The following SGSH variants were observed in gnomAD, a reference collection of about 807,000 sequenced individuals.
SGSH encodes heparan sulfate sulfatase.
SGSH carries 48 observed loss-of-function variants against 51.0 expected under a neutral mutation model. The observed-to-expected ratio is 0.94, with a 90% confidence interval of 0.75 to 1.20. The LOEUF is 1.20. Among genes scored for constraint, SGSH ranks in the 50% most tolerant of loss-of-function variants. The probability of loss-of-function intolerance (pLI) is 0.00; values close to 1 mark genes in which losing one functional copy is unlikely to be tolerated. For synonymous variants in SGSH, 321 were observed against 313.4 expected (o/e 1.02, Z -0.26); for missense variants, 662 against 717.8 (o/e 0.92, Z 0.89).
chr17:80,211,761 A>G (rs1342278418), intron 7 of SGSH: 2 of 445,988 alleles, frequency 4.5e-6, no homozygotes, highest in African/African-American at 2.0e-5. Context: ...CAATTTGGAT[A>G]TTAACAAGCA....
chr17:80,212,685 C>T lies in SGSH; in HGVS notation c.746-411G>A. The T allele has an allele frequency of 3.1e-6, 1 of 319,520 alleles. No individual in the cohort carries two copies. Among genetic ancestry groups the T allele is most frequent in the Non-Finnish European group, 6.1e-6 (1 of 163,958 alleles). The allele number at this position is 319,520 out of a possible 1,614,324, so 19.8% of individuals were successfully genotyped here. A position where few individuals can be genotyped will look rare whatever the true frequency, so the allele number is the denominator to read the frequency against. On this transcript the variant is annotated intron_variant, in intron 6 of 7. Coordinates refer to ENST00000326317, the MANE Select transcript of SGSH (RefSeq NM_000199.5). This position sits in a 1 kb window ranked among gnomAD's most constrained non-coding sequence, Gnocchi z 5.9. ...GCCAGAGGACAAGGCTTCCTCTATA[C>T]CCGCTCCTTCCCAGCTCACTAAGAA...
chr17:80,201,132 G>A, the SGSH span: 61,381 of 152,998 alleles, frequency 0.4, 13,252 homozygotes, highest in Non-Finnish European at 0.5. The surrounding 1 kb of genome is among the most constrained non-coding windows in gnomAD (Gnocchi z 5.0). Flanking sequence ...AGATAGTCCC[G>A]ATATCCTAAG....
downstream of SGSH, chr17:80,201,837 T>A (rs954284352): frequency 5.9e-5 from 96 of 1,613,864 alleles, no homozygotes; most frequent in Non-Finnish European, 7.5e-5. The surrounding 1 kb of genome is among the most constrained non-coding windows in gnomAD (Gnocchi z 5.0). Flanking sequence ...GGTGGACGGC[T>A]TCTGCTGCCT....
chr17:80,211,053 A>T, intron 7 of SGSH, 42 bp from the exon 8 acceptor site: 1 of 1,597,116 alleles, frequency 6.3e-7, no homozygotes, highest in Non-Finnish European at 8.5e-7. Flanking sequence ...AGCCCTCAGC[A>T]CACAGGAGCT....
At chr17:80,205,674 G>C (rs750832947), downstream of SGSH, 1 of 1,518,348 alleles carries the variant, frequency 6.6e-7, no homozygotes, top group African/African-American at 1.4e-5. Context: ...GGCGGGGTGG[G>C]CAGGGGAGCT....
chr17:80,203,794 G>A (rs1259765803), downstream of SGSH: 5 of 1,548,124 alleles, frequency 3.2e-6, no homozygotes, highest in Non-Finnish European at 4.4e-6. This position sits in a 1 kb window ranked among gnomAD's most constrained non-coding sequence, Gnocchi z 4.6. Flanking sequence ...GGAGGCAGCT[G>A]GGTCAGGGCC....
At chr17:80,207,630 G>C (rs1179117507), downstream of SGSH, 1 of 157,392 alleles carries the variant, frequency 6.4e-6, no homozygotes, top group Non-Finnish European at 1.4e-5. Flanking sequence ...GGCCTCTCCA[G>C]AATCTTGATA....
In SGSH at chr17:80,214,616, G is replaced by T; in HGVS notation, c.505C>A (p.Arg169=). The stretch of plus-strand genomic sequence containing the variant: ...AGGGGCAGGGGCCCCGACTCATACC[G>T]GTCATCCTGAGTCTGCAGGAATTTC... ...VRKFLQTQDD[R]PFFLYVAFHD... The change falls in exon 4 of 8, where the codon CGG becomes AGG. Residue 169 remains arginine, a splice_region_variant and synonymous_variant. Transcript: ENST00000326317. The T allele has an allele frequency of 6.2e-7, 1 of 1,612,488 alleles. No individual in the cohort carries two copies. The highest frequency in any genetic ancestry group is 8.5e-7 in the Non-Finnish European group (1 of 1,179,680).
chr17:80,211,246 C>T (rs2144704117), intron 7 of SGSH: 1 of 1,294,446 alleles, frequency 7.7e-7, no homozygotes, highest in Non-Finnish European at 1.0e-6. Flanking sequence ...TCTAAAATCC[C>T]ATGGACTGGA....
Position 80,209,962 on chromosome 17 carries a change from TGA to T in SGSH, c.*488_*489del. 3 of 1,003,282 alleles carry T rather than the reference TGA, an allele frequency of 3.0e-6. No individual in the cohort carries two copies. The highest frequency in any genetic ancestry group is 3.6e-6 in the Non-Finnish European group (3 of 839,020). The allele number at this position is 1,003,282 out of a possible 1,614,324, so 62.1% of individuals were successfully genotyped here. On this transcript the variant is annotated 3_prime_UTR_variant, in exon 8 of 8. Transcript: ENST00000326317. ...AAGAGCCAGGCGCCGTGCTCCCAGGTGAGTGTCGGTGGGACCTGCGTACTGCC... is the reference window on the plus strand; with the variant it reads ...AAGAGCCAGGCGCCGTGCTCCCAGGTGTGTCGGTGGGACCTGCGTACTGCC...
chr17:80,214,583 C>G (rs372073393), intron 4 of SGSH, 32 bp downstream of exon 4: 1 of 1,605,264 alleles, frequency 6.2e-7, no homozygotes, highest in African/African-American at 1.3e-5. Flanking sequence ...TACCGGCCGC[C>G]AGGGGGAAGG....
downstream of SGSH, chr17:80,204,727 C>T (rs1275612313): frequency 2.4e-6 from 1 of 416,888 alleles, no homozygotes; most frequent in African/African-American, 2.0e-5. Flanking sequence ...TCTCCCAGAT[C>T]CTTTGGAAGG....
chr17:80,208,843 G>T (rs4889838), downstream of SGSH: 73,732 of 152,900 alleles, frequency 0.48, 18,977 homozygotes, highest in Non-Finnish European at 0.58. Flanking sequence ...GGCAGAGGCA[G>T]AAGCCCACAT....
At chr17:80,205,464 T>A, downstream of SGSH, 1 of 1,549,302 alleles carries the variant, frequency 6.5e-7, no homozygotes, top group East Asian at 2.4e-5. Flanking sequence ...CAGGGGTGTT[T>A]ACCATGGGAC....
chr17:80,204,236 G>A, downstream of SGSH: 1 of 1,589,806 alleles, frequency 6.3e-7, no homozygotes, highest in Non-Finnish European at 8.6e-7. Flanking sequence ...GCCATCTTCT[G>A]GGGGACCACA....
chr17:80,202,563 C>G, downstream of SGSH: 1 of 1,450,132 alleles, frequency 6.9e-7, no homozygotes, highest in Non-Finnish European at 9.1e-7. Context: ...CTGCCAAGAT[C>G]ACTGCTGAAG....
chr17:80,205,727 T>A, downstream of SGSH: 6 of 1,320,706 alleles, frequency 4.5e-6, no homozygotes, highest in Non-Finnish European at 6.1e-6. Context: ...GGGGATGAGA[T>A]AAAGGTACAG....
chr17:80,220,194 G>A (rs1331835373), intron 1 of SGSH, 32 bp downstream of exon 1: 2 of 1,480,644 alleles, frequency 1.4e-6, no homozygotes, highest in Non-Finnish European at 1.8e-6. Context: ...GGCCACCGCA[G>A]GTGGGCGTGG....
chr17:80,201,889 T>C, downstream of SGSH: 1 of 1,596,942 alleles, frequency 6.3e-7, no homozygotes, highest in Non-Finnish European at 8.5e-7. The surrounding 1 kb of genome is among the most constrained non-coding windows in gnomAD (Gnocchi z 5.0). Flanking sequence ...ACCACTCCTC[T>C]CGTGTGCACA....
Sources: gnomAD v4.1 joint callset for allele counts on GRCh38, gnomAD v4.1.1 for gene constraint, Gnocchi (gnomAD v3.1) non-coding constraint, MANE v1.5 for transcripts, NCBI Gene and HGNC (gene_info 2026-07-23, HGNC 2026-07-21) for gene names.